The following TAFA5 variants were observed in gnomAD, a reference collection of about 807,000 sequenced individuals.
TAFA5 encodes the protein TAFA chemokine like family member 5, also known as chemokine-like protein TAFA-5.
Under a neutral mutation model 15.3 loss-of-function variants are expected in TAFA5, and 6 were observed. The ratio of observed to expected loss-of-function variants is 0.39; its 90% CI spans 0.21 to 0.77. The LOEUF (loss-of-function observed/expected upper bound fraction) is 0.77. Ranked by LOEUF, TAFA5 falls within the 30% of genes least tolerant of loss-of-function variation. TAFA5 has a pLI of 0.41. For missense variants in TAFA5, 161 were observed against 193.1 expected (o/e 0.83, Z 0.98); for synonymous variants, 103 against 80.7 (o/e 1.28, Z -1.48).
At chr22:48,632,994 C>G (rs1282104519) in intron 1 of TAFA5, among the ~76,000 whole-genome samples, 1 of 152,180 alleles carries the variant, frequency 6.6e-6, no homozygotes, top group Non-Finnish European at 1.5e-5. Flanking sequence ...TCACAGCCGT[C>G]CTCAGTCCTG....
rs142355125 is a variant in TAFA5, at chr22:48,626,194, C to T, written c.113-20403C>T. 9.8e-5 allele frequency among the ~76,000 whole-genome samples: 15 copies of T among 152,288 alleles called. No homozygotes were observed. In the East Asian group the frequency reaches 2.9e-3, roughly 29 times the overall value. On this transcript the variant is annotated intron_variant, in intron 1 of 3. Transcript: ENST00000402357. ...TCTGTGTGGGCAGAAGTTTTCAAAT[C>T]GATTGGCTAAGTACCTAGGAGTGTG...
intron 1 of TAFA5, among the ~76,000 whole-genome samples, chr22:48,632,558 G>A (rs966772766): frequency 3.9e-5 from 6 of 152,180 alleles, no homozygotes; most frequent in African/African-American, 1.4e-4. Context: ...ATACTAGGGT[G>A]AAACAAGACG....
At chr22:48,555,385 A>T (rs1396652961) in intron 1 of TAFA5, among the ~76,000 whole-genome samples, 1 of 152,210 alleles carries the variant, frequency 6.6e-6, no homozygotes, top group Non-Finnish European at 1.5e-5. Context: ...CCTGGTGCTC[A>T]GACCGTGTCC....
At chr22:48,513,668 G>A (rs1921304411) in intron 1 of TAFA5, among the ~76,000 whole-genome samples, 1 of 152,250 alleles carries the variant, frequency 6.6e-6, no homozygotes, top group Admixed American at 6.5e-5. Flanking sequence ...CTGCCCTGTG[G>A]TTCTGACAGG....
intron 1 of TAFA5, among the ~76,000 whole-genome samples, chr22:48,504,932 C>T (rs957979561): frequency 1.1e-4 from 16 of 152,184 alleles, no homozygotes; most frequent in African/African-American, 3.6e-4. Flanking sequence ...CCTGAGCCTC[C>T]TCTGACCTCT....
At chr22:48,715,526 G>T (rs1418666353) in intron 3 of TAFA5, among the ~76,000 whole-genome samples, 1 of 152,226 alleles carries the variant, frequency 6.6e-6, no homozygotes, top group Non-Finnish European at 1.5e-5. Context: ...CCTCTTGGGT[G>T]CTCTGCTTCC....
At chr22:48,749,465 G>T (rs1185945013) in intron 3 of TAFA5, among the ~76,000 whole-genome samples, 1 of 152,192 alleles carries the variant, frequency 6.6e-6, no homozygotes, top group African/African-American at 2.4e-5. Context: ...CCAGGAAGCT[G>T]GGAGGGGTTT....
At chr22:48,654,759 G>T (rs1927179497) in intron 2 of TAFA5, among the ~76,000 whole-genome samples, 1 of 152,240 alleles carries the variant, frequency 6.6e-6, no homozygotes, top group Non-Finnish European at 1.5e-5. Context: ...GGAGGGCTGG[G>T]AGGAGCTCCT....
At chr22:48,653,455 C>T (rs1927128084) in intron 2 of TAFA5, among the ~76,000 whole-genome samples, 1 of 152,236 alleles carries the variant, frequency 6.6e-6, no homozygotes, top group African/African-American at 2.4e-5. Context: ...ACTCACAGTG[C>T]CCTGGCCAGG....
intron 1 of TAFA5, among the ~76,000 whole-genome samples, chr22:48,638,645 C>G (rs568228090): frequency 1.5e-5 from 2 of 131,848 alleles, no homozygotes; most frequent in African/African-American, 3.0e-5. Context: ...CAACCCCCCC[C>G]ACACACTAAG....
In TAFA5 at chr22:48,578,860, GA is replaced by G. The variant is rs368665666; in HGVS notation, c.113-67736del. Among the ~76,000 whole-genome samples, 864 of 151,786 alleles carry G rather than the reference GA, an allele frequency of 5.7e-3. 7 individuals are homozygous for G. The highest frequency in any genetic ancestry group is 0.035 in the South Asian group (167 of 4,796). Reference sequence around the variant, plus strand: ...GGGGACCAGCAGTGAGAGGTGCAGGGAGGGGGGTGGCCGACTCTGGTTCCTG... The same window carrying G: ...GGGGACCAGCAGTGAGAGGTGCAGGGGGGGGGTGGCCGACTCTGGTTCCTG... On this transcript the variant is annotated intron_variant, in intron 1 of 3. Coordinates refer to ENST00000402357, the MANE Select transcript of TAFA5 (RefSeq NM_001082967.3).
At chr22:48,693,207 C>T in intron 2 of TAFA5, 2 of 1,313,698 alleles carry the variant, frequency 1.5e-6, no homozygotes, top group Non-Finnish European at 2.1e-6. Flanking sequence ...GTGACGGGGC[C>T]TCACTCGTCC....
chr22:48,576,323 C>G, intron 1 of TAFA5: 20 of 1,188,876 alleles, frequency 1.7e-5, no homozygotes, highest in Non-Finnish European at 2.1e-5. Context: ...CAAATCGCCT[C>G]CCGGAGTGGC....
At chr22:48,563,612 G>A (rs73889002) in intron 1 of TAFA5, among the ~76,000 whole-genome samples, 16,511 of 152,238 alleles carry the variant, frequency 0.11, 917 homozygotes, top group African/African-American at 0.16. Flanking sequence ...GGAGCTCAGC[G>A]CTGCTGGGCT....
At chr22:48,722,637 C>T (rs130187) in intron 3 of TAFA5, among the ~76,000 whole-genome samples, 105,236 of 151,794 alleles carry the variant, frequency 0.69, 37,575 homozygotes, top group African/African-American at 0.77. Context: ...CAAACCACCA[C>T]GGCACATGTA....
chr22:48,698,478 T>G (rs1193945480), intron 2 of TAFA5, among the ~76,000 whole-genome samples: 4 of 151,386 alleles, frequency 2.6e-5, no homozygotes, highest in African/African-American at 9.7e-5. Context: ...GTAGTGAAGG[T>G]GATGATAGGG....
chr22:48,725,288 C>G (rs979031668), intron 3 of TAFA5, among the ~76,000 whole-genome samples: 5 of 151,974 alleles, frequency 3.3e-5, no homozygotes, highest in African/African-American at 1.2e-4. Flanking sequence ...TGACCTCTGC[C>G]GGTTTAAAAG....
chr22:48,736,155 A>G (rs1302018924), intron 3 of TAFA5, among the ~76,000 whole-genome samples: 2 of 48,664 alleles, frequency 4.1e-5, no homozygotes, highest in Non-Finnish European at 8.0e-5. Context: ...TCGCACTCCT[A>G]GAGTCCAGAG....
At chr22:48,662,615 C>T (rs1416962962) in intron 2 of TAFA5, among the ~76,000 whole-genome samples, 6 of 152,306 alleles carry the variant, frequency 3.9e-5, no homozygotes, top group South Asian at 4.1e-4. Flanking sequence ...CCCAGGCACA[C>T]GTGGAGCATC....
Sources: allele counts gnomAD v4.1 joint callset (sites outside exome capture counted in the v4.1 genomes callset), GRCh38; gene constraint gnomAD v4.1.1; transcripts MANE v1.5; gene names NCBI Gene and HGNC (gene_info 2026-07-23, HGNC 2026-07-21).